Variants in TBX19 observed in about 807,000 individuals in gnomAD.
The protein encoded by TBX19 is T-box transcription factor 19.
A neutral mutation model predicts 40.9 loss-of-function variants in TBX19; 33 were observed. That is an observed-to-expected ratio of 0.81 (90% CI 0.61 to 1.08). The LOEUF (loss-of-function observed/expected upper bound fraction) is 1.08. TBX19 is among the 50% of genes least tolerant of loss of function. The pLI is 0.00. For synonymous variants in TBX19, 220 were observed against 225.0 expected, an observed-to-expected ratio of 0.98 and a Z score of 0.20; for missense variants, 494 against 574.0, an observed-to-expected ratio of 0.86 and a Z score of 1.42.
intron 6 of TBX19, among the ~76,000 whole-genome samples, chr1:168,306,638 A>AC (rs1251061552): frequency 2.0e-4 from 31 of 151,792 alleles, no homozygotes; most frequent in African/African-American, 7.2e-4. Context: ...AAAAAAAAAA[A>AC]AAAAAAAAAA....
At chr1:168,300,998 A>C (rs757662565) in intron 5 of TBX19, among the ~76,000 whole-genome samples, 2 of 152,236 alleles carry the variant, frequency 1.3e-5, no homozygotes, top group African/African-American at 4.8e-5. Context: ...GGATGTTCCC[A>C]TCAGGGTGTT....
In TBX19 at chr1:168,297,747, C is replaced by T. The variant is rs140528998; in HGVS notation, c.627C>T (p.Tyr209=). The change falls in exon 4 of 8, where the codon TAC becomes TAT. Residue 209 remains tyrosine, a synonymous_variant. Coordinates refer to ENST00000367821, the MANE Select transcript of TBX19 (RefSeq NM_005149.3). ...AGATAACGGCTCTCAAAATCAAGTA[C>T]AATCCTTTTGCCAAAGCCTTCTTGG... ...NEEITALKIK[Y]NPFAKAFLDA... 6.2e-7 allele frequency: 1 copy of T among 1,614,012 alleles called. No individual in the cohort carries two copies. Among genetic ancestry groups the T allele is most frequent in the Non-Finnish European group, 8.5e-7 (1 of 1,179,992 alleles).
intron 1 of TBX19, among the ~76,000 whole-genome samples, chr1:168,284,935 G>A (rs1171000813): frequency 6.6e-6 from 1 of 152,022 alleles, no homozygotes; most frequent in African/African-American, 2.4e-5. Context: ...ACCAGTGCTT[G>A]ATGATTAAGG....
chr1:168,290,919 C>T (rs1648920514), intron 1 of TBX19, among the ~76,000 whole-genome samples: 2 of 152,122 alleles, frequency 1.3e-5, no homozygotes, highest in African/African-American at 4.8e-5. Context: ...CCTGTTGTGT[C>T]AAATGACTCC....
rs34997986 is a variant in TBX19 at position 168,312,987 on chromosome 1, C to G, written c.1332C>G (p.Ser444=). The G allele has an allele frequency of 3.1e-6, 5 of 1,614,100 alleles. No individual in the cohort carries two copies. The African/African-American group carries it at 6.7e-5, about 22-fold the overall frequency. The change falls in exon 8 of 8, where the codon TCC becomes TCG. Residue 444 remains serine (S), a synonymous_variant. Transcript: ENST00000367821. ...GAGCGGGTGGGCACCATTCTCCTTC[C>G]TCACTGGATGGTTAAGCAGGATCCT... ...GPGAGGHHSP[S]SLDG is the part of the protein sequence containing the mutation.
In TBX19 at chr1:168,298,640, C is replaced by G. The variant is rs948414737; in HGVS notation, c.665+855C>G. On this transcript the variant is annotated intron_variant, in intron 4 of 7. Transcript: ENST00000367821. ...TCTCTCTTTTTTCCTTTCTTTCTTT[C>G]CCTTCTTTCCCTTTCCTTCTTTTCC... is the stretch of plus-strand genomic sequence containing the variant. Among the ~76,000 whole-genome samples, 4 of 150,776 alleles carry G rather than the reference C, an allele frequency of 2.7e-5. No individual in the cohort carries two copies. In the South Asian group the frequency reaches 8.4e-4, roughly 32 times the overall value.
intron 1 of TBX19, among the ~76,000 whole-genome samples, chr1:168,282,955 AAT>A (rs1395729211): frequency 6.6e-6 from 1 of 152,232 alleles, no homozygotes; most frequent in Non-Finnish European, 1.5e-5. Context: ...CCAATTTAAT[AAT>A]ATGTTACATT....
At chr1:168,307,585 A>T (rs1344614917) in intron 6 of TBX19, among the ~76,000 whole-genome samples, 1 of 152,112 alleles carries the variant, frequency 6.6e-6, no homozygotes. Context: ...TTCAAACCAT[A>T]GCACCAGAGA....
At position 168,313,927 on chromosome 1, in the gene TBX19, A is replaced by C. The variant is rs903958732; in HGVS notation, c.*925A>C. ...CTTTGTTTCATTTGAAAAAAAAGAA[A>C]GAAAGAAAGAAAGAAAGAAATCCTA... On this transcript the variant is annotated 3_prime_UTR_variant, in exon 8 of 8. Coordinates refer to ENST00000367821, the MANE Select transcript of TBX19 (RefSeq NM_005149.3). 1 of 151,996 alleles carries C rather than the reference A, an allele frequency of 6.6e-6. No homozygotes were observed. Among genetic ancestry groups the C allele is most frequent in the Admixed American group, 6.6e-5 (1 of 15,252 alleles). The allele number at this position is 151,996 out of a possible 1,614,324, so 9.4% of individuals were successfully genotyped here. A position where few individuals can be genotyped will look rare whatever the true frequency, so the allele number is the denominator to read the frequency against.
At chr1:168,288,549 A>G (rs778004284) in intron 1 of TBX19, among the ~76,000 whole-genome samples, 13 of 152,228 alleles carry the variant, frequency 8.5e-5, no homozygotes, top group Non-Finnish European at 1.3e-4. Flanking sequence ...AAAACAAACA[A>G]AAGTGTCTCG....
At position 168,312,847 on chromosome 1, in the gene TBX19, C is replaced by T; in HGVS notation, c.1192C>T (p.Gln398Ter). ...TTCACCCCCTTCTGTGCTCTCCACCCAAGCACCCACTTCGGCTGGTGTGGA... is the reference window on the plus strand; with the variant it reads ...TTCACCCCCTTCTGTGCTCTCCACCTAAGCACCCACTTCGGCTGGTGTGGA... ...VTSPPSVLST[Q>*]APTSAGVEVL... Residue 398 changes from glutamine to a stop codon, truncating the protein, a stop_gained, in exon 8 of 8, where the codon CAA (glutamine) becomes TAA (stop). Transcript: ENST00000367821. LOFTEE classifies it high-confidence loss of function. 1.2e-6 allele frequency: 2 copies of T among 1,614,272 alleles called. No homozygotes were observed. The highest frequency in any genetic ancestry group is 1.7e-6 in the Non-Finnish European group (2 of 1,180,050).
In TBX19 at chr1:168,312,688, C is replaced by A. The variant is rs780798954; in HGVS notation, c.1053-20C>A. 6.2e-7 allele frequency: 1 copy of A among 1,607,830 alleles called. No homozygotes were observed. Among genetic ancestry groups the A allele is most frequent in the Non-Finnish European group, 8.5e-7 (1 of 1,179,972 alleles). On this transcript the variant is annotated intron_variant, in intron 7 of 7. Coordinates refer to ENST00000367821, the MANE Select transcript of TBX19 (RefSeq NM_005149.3). ...GAGTGCCAGTGAACATTCCCTTCCC[C>A]TCTTTCTCTGTCTCTGCAGCCCCTA... is the stretch of plus-strand genomic sequence containing the variant.
Position 168,293,180 on chromosome 1 carries a change from G to T in TBX19, c.505G>T (p.Val169Phe). The part of the protein sequence containing the change: ...LNSLHKYEPQ[V>F]HIVRVGSAHR... Reference sequence around the variant, plus strand: ...TTCTCTGCATAAATATGAACCCCAGGTTCACATAGTGCGTGTTGGAAGTGC... The same window carrying T: ...TTCTCTGCATAAATATGAACCCCAGTTTCACATAGTGCGTGTTGGAAGTGC... Residue 169 changes from valine (V) to phenylalanine (F), a missense_variant, in exon 3 of 8, where the codon GTT becomes TTT. Transcript: ENST00000367821. The T allele has an allele frequency of 1.2e-6, 2 of 1,613,884 alleles. No individual in the cohort carries two copies. Among genetic ancestry groups the T allele is most frequent in the African/African-American group, 1.3e-5 (1 of 74,954 alleles).
At chr1:168,297,617 G>C in intron 3 of TBX19, 107 bp from the exon 4 acceptor site, 1 of 1,005,454 alleles carries the variant, frequency 9.9e-7, no homozygotes, top group Non-Finnish European at 1.6e-6. Context: ...TGGTGGGAAA[G>C]GGAAGGAAAA....
rs755749001 is a variant in TBX19, at chr1:168,304,997, G to A, written c.728-11G>A. On this transcript the variant is annotated splice_polypyrimidine_tract_variant and intron_variant, in intron 5 of 7. Coordinates refer to ENST00000367821, the MANE Select transcript of TBX19 (RefSeq NM_005149.3). ...GACTCAGTCTTGGTGTATTCCTCTT[G>A]TCTATTTTAGTGGGAGGCTGGATCT... The A allele has an allele frequency of 6.2e-7, 1 of 1,613,688 alleles. No homozygotes were observed. Among genetic ancestry groups the A allele is most frequent in the Non-Finnish European group, 8.5e-7 (1 of 1,180,004 alleles).
intron 5 of TBX19, among the ~76,000 whole-genome samples, chr1:168,302,564 G>A (rs556151082): frequency 1.1e-4 from 16 of 152,140 alleles, no homozygotes; most frequent in South Asian, 2.1e-4. Flanking sequence ...AAACTCACTC[G>A]AAATAGTCTT....
At chr1:168,293,100 C>T (rs56064910) in intron 2 of TBX19, 44 bp from the exon 3 acceptor site, 20,727 of 1,609,868 alleles carry the variant, frequency 0.013, 173 homozygotes, top group Non-Finnish European at 0.016. Context: ...CTGCGATACA[C>T]GGGGCTTTGC....
intron 6 of TBX19, chr1:168,308,029 C>A (rs1297087345): frequency 6.6e-6 from 1 of 152,244 alleles, no homozygotes; most frequent in Non-Finnish European, 1.5e-5. Flanking sequence ...AGCTTCCCAC[C>A]CCTGGTAACC....
At position 168,291,361 on chromosome 1, in the gene TBX19, G is replaced by C; in HGVS notation, c.405G>C (p.Trp135Cys). ...ACTCCCCCAACTTTGGGGCCCACTGGATGAAAGCTCCCATCTCCTTCAGCA... is the reference window on the plus strand; with the variant it reads ...ACTCCCCCAACTTTGGGGCCCACTGCATGAAAGCTCCCATCTCCTTCAGCA... ...HPDSPNFGAH[W>C]MKAPISFSKV... is the part of the protein sequence containing the mutation. Residue 135 changes from tryptophan (W) to cysteine (C), a missense_variant, in exon 2 of 8, where the codon TGG becomes TGC. Physicochemically the swap from Trp to Cys is radical, Grantham distance 215 (BLOSUM62 -2). Around this residue, in one of 3 missense-constraint regions of TBX19, gnomAD observed 201 missense variants for 235.2 expected, o/e 0.85. Transcript: ENST00000367821. 6.2e-7 allele frequency: 1 copy of C among 1,614,196 alleles called. No individual in the cohort carries two copies. Among genetic ancestry groups the C allele is most frequent in the South Asian group, 1.1e-5 (1 of 91,078 alleles).
Sources: allele counts gnomAD v4.1 joint callset (sites outside exome capture counted in the v4.1 genomes callset), GRCh38; gene constraint gnomAD v4.1.1; regional missense constraint gnomAD v4.1.1; transcripts MANE v1.5; gene names NCBI Gene and HGNC (gene_info 2026-07-23, HGNC 2026-07-21).